Variants in BMS1 observed in about 807,000 individuals in gnomAD.
BMS1 encodes the protein BMS1 ribosome biogenesis factor.
In BMS1, 53 loss-of-function variants were observed where a neutral mutation model predicts 138.7. The ratio of observed to expected loss-of-function variants is 0.38; its 90% CI spans 0.31 to 0.48. BMS1 has a LOEUF of 0.48. Among genes scored for constraint, BMS1 ranks in the 20% least tolerant of loss-of-function variants. BMS1 has a pLI of 0.97. For synonymous variants in BMS1, 504 were observed against 539.9 expected (o/e 0.93, Z 0.92); for missense variants, 1,360 against 1,565.5 (o/e 0.87, Z 2.22).
At chr10:42,791,978 G>A (rs991476131) in intron 6 of BMS1, among the ~76,000 whole-genome samples, 1 of 152,156 alleles carries the variant, frequency 6.6e-6, no homozygotes. Context: ...GAAAATGGGA[G>A]AACTTGGAAG....
Position 42,823,614 on chromosome 10 carries a change from G to A in BMS1, c.3286G>A (p.Val1096Ile). The A allele has an allele frequency of 6.4e-7, 1 of 1,555,094 alleles. No homozygotes were observed. The highest frequency in any genetic ancestry group is 1.4e-5 in the African/African-American group (1 of 73,002). Residue 1096 changes from valine (V) to isoleucine (I), a missense_variant, in exon 21 of 23, where the codon GTC (valine) becomes ATC (isoleucine). Physicochemically the swap from Val to Ile is conservative, Grantham distance 29. Around this residue, in one of 3 missense-constraint regions of BMS1, gnomAD observed 425 missense variants for 568.3 expected, o/e 0.75. Transcript: ENST00000374518. ...TAAATTACCTCTCTTTTCAGATATT[G>A]TCTTCATGCGAACTTGGTATCCTGT... ...FEDKLLMSDI[V>I]FMRTWYPVSI...
At position 42,820,695 on chromosome 10, in the gene BMS1, T is replaced by C. The variant is rs200671628; in HGVS notation, c.2950+7T>C. On this transcript the variant is annotated splice_region_variant and intron_variant, in intron 17 of 22. Coordinates refer to ENST00000374518, the MANE Select transcript of BMS1 (RefSeq NM_014753.4). ...TGCGGAGCAGCCTTTTGGGGTAAAATATGATTACAATAACTTGCCTGTTGC... is the reference window on the plus strand; with the variant it reads ...TGCGGAGCAGCCTTTTGGGGTAAAACATGATTACAATAACTTGCCTGTTGC... The C allele has an allele frequency of 3.7e-6, 6 of 1,610,408 alleles. No individual in the cohort carries two copies. The highest frequency in any genetic ancestry group is 5.1e-6 in the Non-Finnish European group (6 of 1,178,606).
At position 42,798,197 on chromosome 10, in the gene BMS1, C is replaced by T. The variant is rs897941467; in HGVS notation, c.2090-271C>T. 5.3e-5 allele frequency among the ~76,000 whole-genome samples: 8 copies of T among 152,150 alleles called. No homozygotes were observed. In the East Asian group the frequency reaches 1.2e-3, roughly 22 times the overall value. ...TTTAAATTCCCTTCCCTCCCTTCAC[C>T]GCTAATATTCTCACTCCTCGGCCTC... On this transcript the variant is annotated intron_variant, in intron 11 of 22. Coordinates refer to ENST00000374518, the MANE Select transcript of BMS1 (RefSeq NM_014753.4).
rs76136557 is a variant in BMS1 at position 42,796,797 on chromosome 10, C to T, written c.1553C>T (p.Ala518Val). 2.2e-5 allele frequency: 36 copies of T among 1,614,012 alleles called. No homozygotes were observed. In the East Asian group the frequency reaches 4.7e-4, roughly 21 times the overall value. ...AGGAGCTCAGCGGAAGAAGGGGAAGCGGAGGAAGCTGATGAAAGCAGTGAA... is the reference window on the plus strand; with the variant it reads ...AGGAGCTCAGCGGAAGAAGGGGAAGTGGAGGAAGCTGATGAAAGCAGTGAA... ...LERSSAEEGEAEEADESSEEE... is the reference protein window; with the variant it reads ...LERSSAEEGEVEEADESSEEE... The change falls in exon 10 of 23, where the codon GCG becomes GTG. Residue 518 changes from alanine (A) to valine (V), a missense_variant. This residue lies in a region of BMS1 where 697 missense variants were observed against 686.2 expected (regional missense o/e 1.02). Coordinates refer to ENST00000374518, the MANE Select transcript of BMS1 (RefSeq NM_014753.4).
At chr10:42,830,714 CT>C (rs1842778265) in intron 22 of BMS1, 151 bp from the exon 23 acceptor site, 1 of 760,748 alleles carries the variant, frequency 1.3e-6, no homozygotes, top group African/African-American at 1.8e-5. Flanking sequence ...ACACCTGTGT[CT>C]CCATGCCAAC....
intron 13 of BMS1, among the ~76,000 whole-genome samples, chr10:42,805,957 G>A (rs1016384012): frequency 2.0e-5 from 3 of 152,038 alleles, no homozygotes; most frequent in East Asian, 1.9e-4. Context: ...CCATTATCAC[G>A]CCTGGCTAGT....
In BMS1 at chr10:42,830,342, C is replaced by A; in HGVS notation, c.3538C>A (p.Pro1180Thr). ...LQKALPFKNK[P>T]KTQAKAGKVP... ...GAAGGCCCTGCCATTTAAGAACAAG[C>A]CCAAGACCCAAGCAAAGGCAGGCAA... is the stretch of plus-strand genomic sequence containing the variant. Residue 1180 changes from proline (P) to threonine (T), a missense_variant, in exon 22 of 23, where the codon CCC (proline) becomes ACC (threonine). By Grantham distance (38) the Pro-to-Thr change is conservative (BLOSUM62 -1). Around this residue, in one of 3 missense-constraint regions of BMS1, gnomAD observed 425 missense variants for 568.3 expected, o/e 0.75. Coordinates refer to ENST00000374518, the MANE Select transcript of BMS1 (RefSeq NM_014753.4). 6.2e-7 allele frequency: 1 copy of A among 1,614,002 alleles called. No individual in the cohort carries two copies. Among genetic ancestry groups the A allele is most frequent in the Non-Finnish European group, 8.5e-7 (1 of 1,180,012 alleles).
intron 13 of BMS1, among the ~76,000 whole-genome samples, chr10:42,803,917 A>G (rs1216927019): frequency 4.6e-5 from 7 of 152,164 alleles, no homozygotes; most frequent in African/African-American, 1.7e-4. Flanking sequence ...CTCTTCCATC[A>G]CCAGGTACAT....
rs1842831848 is a variant in BMS1, at chr10:42,833,438, CAT to C, written c.*2344_*2345del. 6.6e-6 allele frequency: 1 copy of C among 152,192 alleles called. No homozygotes were observed. The highest frequency in any genetic ancestry group is 1.9e-4 in the East Asian group (1 of 5,168). The allele number at this position is 152,192 out of a possible 1,614,324, so 9.4% of individuals were successfully genotyped here. On this transcript the variant is annotated 3_prime_UTR_variant, in exon 23 of 23. Coordinates refer to ENST00000374518, the MANE Select transcript of BMS1 (RefSeq NM_014753.4). ...GGCAATTTTGTCATTGTGTAAACATCATAGAGTGACACACAAACCTAGATGGT... is the reference window on the plus strand; with the variant it reads ...GGCAATTTTGTCATTGTGTAAACATCAGAGTGACACACAAACCTAGATGGT...
At position 42,796,573 on chromosome 10, in the gene BMS1, T is replaced by G. The variant is rs766039032; in HGVS notation, c.1329T>G (p.Asp443Glu). The change falls in exon 10 of 23, where the codon GAT becomes GAG. Residue 443 changes from aspartate (D) to glutamate (E), a missense_variant. Transcript: ENST00000374518. ...FGDEDESGDS[D>E]DEEDDEMSED... ...ATGAAGATGAATCTGGAGATAGTGA[T>G]GATGAAGAAGATGATGAAATGTCTG... 6.2e-7 allele frequency: 1 copy of G among 1,614,086 alleles called. No individual in the cohort carries two copies.
At chr10:42,790,618 C>T (rs936834751) in intron 5 of BMS1, 107 bp downstream of exon 5, 8 of 1,214,902 alleles carry the variant, frequency 6.6e-6, no homozygotes, top group Non-Finnish European at 9.2e-6. Flanking sequence ...CTTTGCAAGG[C>T]AGAGGCGGTC....
chr10:42,783,909 A>T (rs1841242033), intron 1 of BMS1, among the ~76,000 whole-genome samples: 1 of 152,216 alleles, frequency 6.6e-6, no homozygotes, highest in Non-Finnish European at 1.5e-5. Context: ...AAACCACTTC[A>T]TCAGTCCAGT....
intron 9 of BMS1, among the ~76,000 whole-genome samples, chr10:42,794,912 G>A (rs1285297558): frequency 2.0e-5 from 3 of 151,724 alleles, no homozygotes; most frequent in Middle Eastern, 3.4e-3. Flanking sequence ...ATCCCTCCCC[G>A]CTCTGCCCAC....
rs144385540 is a variant in BMS1 at position 42,796,922 on chromosome 10, C to T, written c.1678C>T (p.Arg560Cys). The T allele has an allele frequency of 2.9e-5, 47 of 1,614,092 alleles. No individual in the cohort carries two copies. In the East Asian group the frequency reaches 5.6e-4, roughly 19 times the overall value. ...GLSPANCQSDRVNLEKSLLMK... is the reference protein window; with the variant it reads ...GLSPANCQSDCVNLEKSLLMK... Reference sequence around the variant, plus strand: ...GTCACCAGCTAATTGCCAGAGTGACCGTGTGAATCTGGAGAAGTCTTTGCT... The same window carrying T: ...GTCACCAGCTAATTGCCAGAGTGACTGTGTGAATCTGGAGAAGTCTTTGCT... The change falls in exon 10 of 23, where the codon CGT becomes TGT. Residue 560 changes from arginine (R) to cysteine (C), a missense_variant. Arg to Cys is a radical substitution (Grantham distance 180, BLOSUM62 -3). Transcript: ENST00000374518.
In BMS1 at chr10:42,834,776, A is replaced by T. The variant is rs1842846426; in HGVS notation, c.*3680A>T. ...CTCTAAAATAAGGTTGCCAACTGGC[A>T]TGTAGAGAGAAAAGGATGTGTCATA... On this transcript the variant is annotated 3_prime_UTR_variant, in exon 23 of 23. Coordinates refer to ENST00000374518, the MANE Select transcript of BMS1 (RefSeq NM_014753.4). 3 of 152,108 alleles carry T rather than the reference A, an allele frequency of 2.0e-5. No individual in the cohort carries two copies. Among genetic ancestry groups the T allele is most frequent in the Non-Finnish European group, 4.4e-5 (3 of 68,026 alleles). The allele number at this position is 152,108 out of a possible 1,614,324, so 9.4% of individuals were successfully genotyped here. A position where few individuals can be genotyped will look rare whatever the true frequency, so the allele number is the denominator to read the frequency against.
Position 42,793,085 on chromosome 10 carries a change from G to C in BMS1, c.1030G>C (p.Gly344Arg), listed in dbSNP as rs1448464480. ...TTATGCGCCTCTTTCTGGAGTTGGG[G>C]GTGTGCTGTATGACAAAGACGCTGT... is the stretch of plus-strand genomic sequence containing the variant. ...LVYAPLSGVG[G>R]VLYDKDAVYV... Residue 344 changes from glycine (G) to arginine (R), a missense_variant, in exon 8 of 23, where the codon GGT becomes CGT. By Grantham distance (125) the Gly-to-Arg change is moderately radical (BLOSUM62 -2). This residue lies in a region of BMS1 where 697 missense variants were observed against 686.2 expected (regional missense o/e 1.02). Transcript: ENST00000374518. 2 of 1,613,788 alleles carry C rather than the reference G, an allele frequency of 1.2e-6. No individual in the cohort carries two copies. The highest frequency in any genetic ancestry group is 8.5e-7 in the Non-Finnish European group (1 of 1,179,946).
intron 4 of BMS1, among the ~76,000 whole-genome samples, chr10:42,789,738 GATTGAAAGA>G (rs1841445606): frequency 6.6e-6 from 1 of 151,824 alleles, no homozygotes; most frequent in African/African-American, 2.4e-5. Flanking sequence ...TCTATGAGGC[GATTGAAAGA>G]AGAGGTTGGT....
intron 13 of BMS1, among the ~76,000 whole-genome samples, chr10:42,808,468 T>A (rs1267436061): frequency 6.6e-6 from 1 of 151,674 alleles, no homozygotes; most frequent in African/African-American, 2.4e-5. Context: ...CCGGCTAATT[T>A]TTTTGTATTT....
chr10:42,803,027 T>C (rs1484271417), intron 13 of BMS1, among the ~76,000 whole-genome samples: 2 of 152,166 alleles, frequency 1.3e-5, no homozygotes, highest in African/African-American at 4.8e-5. Context: ...GGTCATTCTT[T>C]TTGTTTTGTC....
Sources: allele counts gnomAD v4.1 joint callset (sites outside exome capture counted in the v4.1 genomes callset), GRCh38; gene constraint gnomAD v4.1.1; regional missense constraint gnomAD v4.1.1; transcripts MANE v1.5; gene names NCBI Gene and HGNC (gene_info 2026-07-23, HGNC 2026-07-21).